Variants in WDCP observed in about 807,000 individuals in gnomAD.
WDCP encodes WD repeat and coiled-coil-containing protein.
In WDCP, 19 loss-of-function variants were observed where a neutral mutation model predicts 41.6. The observed-to-expected ratio is 0.46, with a 90% CI of 0.32 to 0.67. The LOEUF (loss-of-function observed/expected upper bound fraction) is 0.67. Among genes scored for constraint, WDCP ranks in the 30% least tolerant of loss-of-function variants. The probability of loss-of-function intolerance (pLI) is 0.04; values close to 1 mark genes in which losing one functional copy is unlikely to be tolerated. For missense variants in WDCP, 802 were observed against 850.7 expected (o/e 0.94, Z 0.71); for synonymous variants, 302 against 320.8 (o/e 0.94, Z 0.63).
Position 24,030,118 on chromosome 2 carries a change from G to A in WDCP, c.*815C>T, listed in dbSNP as rs184981954. 48 of 152,042 alleles carry A rather than the reference G, an allele frequency of 3.2e-4. No individual in the cohort carries two copies. The highest frequency in any genetic ancestry group is 1.1e-3 in the African/African-American group (47 of 41,396). 9.4% of individuals were successfully genotyped at this position (152,042 alleles called of 1,614,324 possible). A position where few individuals can be genotyped will look rare whatever the true frequency, so the allele number is the denominator to read the frequency against. ...ACTGGGAGAAAAATAGGAAAGTTGC[G>A]TGATCCCAAAACTGGATTTAAAAAA... On this transcript the variant is annotated 3_prime_UTR_variant, in exon 4 of 4. Coordinates refer to ENST00000295148, the MANE Select transcript of WDCP (RefSeq NM_025203.3).
chr2:24,030,861 T>C lies in WDCP; in HGVS notation c.*72A>G. 1 of 1,160,220 alleles carries C rather than the reference T, an allele frequency of 8.6e-7. No homozygotes were observed. Among genetic ancestry groups the C allele is most frequent in the South Asian group, 1.4e-5 (1 of 71,482 alleles). The allele number at this position is 1,160,220 out of a possible 1,614,324, so 71.9% of individuals were successfully genotyped here. ...GTGCAGTGGGAGTCTCATTGGCGAG[T>C]GTCCAGTGTCAAGCAGGCCTTGTTT... On this transcript the variant is annotated 3_prime_UTR_variant, in exon 4 of 4. Transcript: ENST00000295148.
chr2:24,033,183 G>A (rs1011192088), intron 2 of WDCP: 2 of 601,842 alleles, frequency 3.3e-6, no homozygotes, highest in East Asian at 3.8e-5. Flanking sequence ...TCATCACTAG[G>A]AACTGGCTCT....
intron 1 of WDCP, among the ~76,000 whole-genome samples, chr2:24,044,072 G>T (rs1417565285): frequency 1.3e-5 from 2 of 152,086 alleles, no homozygotes; most frequent in Non-Finnish European, 2.9e-5. Context: ...ACTTTAAAAA[G>T]AATTTTATTG....
Position 24,032,924 on chromosome 2 carries a change from A to C in WDCP, c.1841T>G (p.Val614Gly). 3 of 1,609,336 alleles carry C rather than the reference A, an allele frequency of 1.9e-6. No individual in the cohort carries two copies. Among genetic ancestry groups the C allele is most frequent in the Non-Finnish European group, 2.6e-6 (3 of 1,175,654 alleles). ...IYQKPYYLGP[V>G]VEKRAVLLCD... ...GAGAAGCACCGCTCTTTTTTCAACAACAGGACCTAGATAATAAGGTTTCTG... is the reference window on the plus strand; with the variant it reads ...GAGAAGCACCGCTCTTTTTTCAACACCAGGACCTAGATAATAAGGTTTCTG... The change falls in exon 3 of 4, where the codon GTT (valine) becomes GGT (glycine). Residue 614 changes from valine to glycine, a missense_variant. By Grantham distance (109) the Val-to-Gly change is moderately radical. This residue lies in a region of WDCP where 321 missense variants were observed against 305.1 expected (regional missense o/e 1.05). Transcript: ENST00000295148.
intron 1 of WDCP, among the ~76,000 whole-genome samples, chr2:24,040,208 G>T (rs915039360): frequency 2.6e-5 from 4 of 152,096 alleles, no homozygotes; most frequent in Non-Finnish European, 5.9e-5. Context: ...ATGTCATGAT[G>T]CCTACAATGT....
intron 1 of WDCP, among the ~76,000 whole-genome samples, chr2:24,046,964 T>G (rs1417872824): frequency 1.3e-5 from 2 of 152,190 alleles, no homozygotes; most frequent in Non-Finnish European, 2.9e-5. Flanking sequence ...CATAATGTAC[T>G]GAACTGCTCC....
At chr2:24,040,330 A>G (rs1468199687) in intron 1 of WDCP, among the ~76,000 whole-genome samples, 2 of 152,228 alleles carry the variant, frequency 1.3e-5, no homozygotes, top group African/African-American at 4.8e-5. Flanking sequence ...CTATGTTAGT[A>G]TTTATGGTAC....
Position 24,037,895 on chromosome 2 carries a change from T to C in WDCP, c.1600A>G (p.Thr534Ala), listed in dbSNP as rs367867532. Residue 534 changes from threonine to alanine, a missense_variant, in exon 2 of 4, where the codon ACC becomes GCC. This residue lies in a region of WDCP where 321 missense variants were observed against 305.1 expected (regional missense o/e 1.05). Coordinates refer to ENST00000295148, the MANE Select transcript of WDCP (RefSeq NM_025203.3). ...AAACGAGGAGGCTCCAGTGTGCTGGTGTGGTCTGGTGTGCTGCTGTGTCTG... is the reference window on the plus strand; with the variant it reads ...AAACGAGGAGGCTCCAGTGTGCTGGCGTGGTCTGGTGTGCTGCTGTGTCTG... ...LPRHSSTPDHTSTLEPPRLPQ... is the reference protein window; with the variant it reads ...LPRHSSTPDHASTLEPPRLPQ... The C allele has an allele frequency of 6.9e-5, 111 of 1,614,062 alleles. 1 individual carries two copies. The South Asian group carries it at 1.1e-3, about 17-fold the overall frequency.
chr2:24,039,304 G>C lies in WDCP; in HGVS notation c.191C>G (p.Ser64Cys). 1 of 1,614,222 alleles carries C rather than the reference G, an allele frequency of 6.2e-7. No homozygotes were observed. Among genetic ancestry groups the C allele is most frequent in the Non-Finnish European group, 8.5e-7 (1 of 1,180,042 alleles). The change falls in exon 2 of 4, where the codon TCC becomes TGC. Residue 64 changes from serine to cysteine, a missense_variant. Around this residue, in one of 5 missense-constraint regions of WDCP, gnomAD observed 214 missense variants for 252.9 expected, o/e 0.85. Coordinates refer to ENST00000295148, the MANE Select transcript of WDCP (RefSeq NM_025203.3). ...ATCATCTGCAACAGGTGGGGCCCAG[G>C]ACAACCCACAGACACATTCAAACTG... ...IGQFECVCGL[S>C]WAPPVADDTP...
chr2:24,039,045 CTT>C lies in WDCP; in HGVS notation c.448_449del (p.Lys150GlyfsTer51). On this transcript the variant is annotated frameshift_variant, in exon 2 of 4. Coordinates refer to ENST00000295148, the MANE Select transcript of WDCP (RefSeq NM_025203.3). LOFTEE classifies it high-confidence loss of function. ...TGCGGCCCTGGGTGTTGATGTCTGC[CTT>C]TACCTGGGAATCATCAGAGTGAACA... ...PNVHSDDSQV[K>X]ADINTQGRIH... is the part of the protein sequence containing the mutation. 1 of 1,614,152 alleles carries C rather than the reference CTT, an allele frequency of 6.2e-7. No homozygotes were observed. Among genetic ancestry groups the C allele is most frequent in the Non-Finnish European group, 8.5e-7 (1 of 1,180,052 alleles).
intron 2 of WDCP, 47 bp from the exon 3 acceptor site, chr2:24,032,993 G>C (rs763598593): frequency 1.8e-6 from 2 of 1,105,846 alleles, no homozygotes; most frequent in Non-Finnish European, 2.8e-6. Context: ...AGAAGTAATC[G>C]AGTTAACATT....
intron 1 of WDCP, among the ~76,000 whole-genome samples, chr2:24,041,389 C>T (rs1159044173): frequency 1.3e-5 from 2 of 151,680 alleles, no homozygotes. Context: ...GCCCCTTTAG[C>T]TCCTCCTCCT....
rs774770165 is a variant in WDCP, at chr2:24,038,665, G to A, written c.830C>T (p.Ser277Phe). The A allele has an allele frequency of 3.7e-6, 6 of 1,614,186 alleles. No individual in the cohort carries two copies. Among genetic ancestry groups the A allele is most frequent in the South Asian group, 3.3e-5 (3 of 91,068 alleles). The change falls in exon 2 of 4, where the codon TCT (serine) becomes TTT (phenylalanine). Residue 277 changes from serine to phenylalanine, a missense_variant. Ser to Phe is a radical substitution (Grantham distance 155). This residue lies in a region of WDCP where 247 missense variants were observed against 240.5 expected (regional missense o/e 1.03). Transcript: ENST00000295148. The part of the protein sequence containing the change: ...SETNSEVSVS[S>F]SYLEPLDLTH... ...TAGATCCAGAGGTTCTAAATAGGAA[G>A]AAGAAACTGATACTTCAGAATTTGT... is the stretch of plus-strand genomic sequence containing the variant.
intron 1 of WDCP, among the ~76,000 whole-genome samples, chr2:24,043,132 G>A (rs1663506103): frequency 1.3e-5 from 2 of 151,882 alleles, no homozygotes; most frequent in Non-Finnish European, 2.9e-5. Flanking sequence ...TCAGGATTTC[G>A]AGATCAGCCT....
Position 24,030,547 on chromosome 2 carries a change from T to C in WDCP, c.*386A>G, listed in dbSNP as rs1390645433. On this transcript the variant is annotated 3_prime_UTR_variant, in exon 4 of 4. Transcript: ENST00000295148. ...TCCTCTTGAAGCCAAGAAAAAGACC[T>C]ATAACAATGCCAAGGTATCTTTTAA... 6.0e-6 allele frequency: 1 copy of C among 165,540 alleles called. No homozygotes were observed. The highest frequency in any genetic ancestry group is 1.3e-5 in the Non-Finnish European group (1 of 76,530). 10.3% of individuals were successfully genotyped at this position (165,540 alleles called of 1,614,324 possible). A position where few individuals can be genotyped will look rare whatever the true frequency, so the allele number is the denominator to read the frequency against.
chr2:24,037,396 T>C (rs550230317), intron 2 of WDCP, among the ~76,000 whole-genome samples: 85 of 152,252 alleles, frequency 5.6e-4, no homozygotes, highest in Middle Eastern at 3.4e-3. Flanking sequence ...AATAACATGA[T>C]TTTTTTTCTA....
chr2:24,032,803 A>T, intron 3 of WDCP, 26 bp downstream of exon 3: 1 of 1,318,498 alleles, frequency 7.6e-7, no homozygotes, highest in Non-Finnish European at 1.1e-6. Context: ...GATGTTAGCT[A>T]GGGTCAATTT....
In WDCP at chr2:24,029,448, C is replaced by G. The variant is rs577837894; in HGVS notation, c.*1485G>C. 1 of 152,322 alleles carries G rather than the reference C, an allele frequency of 6.6e-6. No homozygotes were observed. Among genetic ancestry groups the G allele is most frequent in the South Asian group, 2.1e-4 (1 of 4,822 alleles). The allele number at this position is 152,322 out of a possible 1,614,324, so 9.4% of individuals were successfully genotyped here. A position where few individuals can be genotyped will look rare whatever the true frequency, so the allele number is the denominator to read the frequency against. On this transcript the variant is annotated 3_prime_UTR_variant, in exon 4 of 4. Transcript: ENST00000295148. ...AGGTGCCCACATTGATCTTAGTTAA[C>G]AGTCTTGTAGTTCCCTCTTTAGGCT... is the stretch of plus-strand genomic sequence containing the variant.
rs376816524 is a variant in WDCP at position 24,038,410 on chromosome 2, T to C, written c.1085A>G (p.Asn362Ser). The stretch of plus-strand genomic sequence containing the variant: ...AATGACAGAGTAGATCAAAATTATA[T>C]TACAAGTGTTGGAAGCCACTGCCAC... ...HVVAVASNTC[N>S]IILIYSVIPS... Residue 362 changes from asparagine (N) to serine (S), a missense_variant, in exon 2 of 4, where the codon AAT becomes AGT. By Grantham distance (46) the Asn-to-Ser change is conservative. Coordinates refer to ENST00000295148, the MANE Select transcript of WDCP (RefSeq NM_025203.3). 5.6e-6 allele frequency: 9 copies of C among 1,614,052 alleles called. No homozygotes were observed. Among genetic ancestry groups the C allele is most frequent in the Non-Finnish European group, 7.6e-6 (9 of 1,180,054 alleles).
Sources: gnomAD v4.1 joint callset for allele counts (sites outside exome capture counted in the v4.1 genomes callset) on GRCh38, gnomAD v4.1.1 for gene constraint, gnomAD v4.1.1 regional missense constraint, MANE v1.5 for transcripts, NCBI Gene and HGNC (gene_info 2026-07-23, HGNC 2026-07-21) for gene names.